The following GBP2 variants were observed in gnomAD, a reference collection of about 807,000 sequenced individuals.
GBP2 encodes the protein guanylate-binding protein 2.
In GBP2, 54 loss-of-function variants were observed where a neutral mutation model predicts 60.8. The observed-to-expected ratio is 0.89, with a 90% CI of 0.71 to 1.11. The LOEUF (loss-of-function observed/expected upper bound fraction) is 1.11. Ranked by LOEUF, GBP2 falls within the 50% of genes most tolerant of loss-of-function variation. The pLI, the probability that GBP2 is intolerant of heterozygous loss-of-function variation, is 0.00. For missense variants in GBP2, 665 were observed against 703.3 expected, an observed-to-expected ratio of 0.95 and a Z score of 0.62; for synonymous variants, 243 against 256.5, an observed-to-expected ratio of 0.95 and a Z score of 0.50.
intron 6 of GBP2, 104 bp from the exon 7 acceptor site, chr1:89,114,400 T>C: frequency 7.5e-7 from 1 of 1,331,744 alleles, no homozygotes; most frequent in South Asian, 1.5e-5. Context: ...TAAATAAGTT[T>C]TGGATAAAGA....
In GBP2 at chr1:89,114,025, C is replaced by T; in HGVS notation, c.1140G>A (p.Arg380=). The part of the protein sequence containing the change: ...SFKDVDQMFQ[R]KLGAQLEARR... Reference sequence around the variant, plus strand: ...AGAACACCAAATATACCCCTAATTTCCTCTGGAACATTTGGTCCACATCCT... The same window carrying T: ...AGAACACCAAATATACCCCTAATTTTCTCTGGAACATTTGGTCCACATCCT... Residue 380 remains arginine (R), a synonymous_variant, in exon 7 of 11, where the codon AGG becomes AGA. Transcript: ENST00000370466. 6.2e-7 allele frequency: 1 copy of T among 1,614,190 alleles called. No homozygotes were observed. The highest frequency in any genetic ancestry group is 1.7e-5 in the Admixed American group (1 of 60,022).
chr1:89,117,632 A>C lies in GBP2; in HGVS notation c.570T>G (p.Asp190Glu). 6.2e-7 allele frequency: 1 copy of C among 1,614,128 alleles called. No homozygotes were observed. The highest frequency in any genetic ancestry group is 8.5e-7 in the Non-Finnish European group (1 of 1,179,988). ...AGTCATCAGCAGTGATGGGTTCTCC[A>C]TCTACTTCCAGTTCCAGGGTGAAAT... The part of the protein sequence containing the change: ...LRDFTLELEV[D>E]GEPITADDYL... The change falls in exon 5 of 11, where the codon GAT becomes GAG. Residue 190 changes from aspartate (D) to glutamate (E), a missense_variant. Transcript: ENST00000370466.
chr1:89,120,407 AAC>A, intron 3 of GBP2, 119 bp from the exon 4 acceptor site: 1 of 782,928 alleles, frequency 1.3e-6, no homozygotes. Flanking sequence ...AAACTTAGGT[AAC>A]TCACTTCCTT....
chr1:89,109,829 T>C lies in GBP2; in HGVS notation c.1507A>G (p.Met503Val). Residue 503 changes from methionine to valine, a missense_variant, in exon 10 of 11, where the codon ATG (methionine) becomes GTG (valine). Met to Val is a conservative substitution (Grantham distance 21). Coordinates refer to ENST00000370466, the MANE Select transcript of GBP2 (RefSeq NM_004120.5). ...KAESAEAAKK[M>V]LEEIQKKNEE... Reference sequence around the variant, plus strand: ...TTCTTCTTTTGTATTTCCTCCAACATTTTCTTTGCAGCTTCTGCAGATTCA... The same window carrying C: ...TTCTTCTTTTGTATTTCCTCCAACACTTTCTTTGCAGCTTCTGCAGATTCA... 6.2e-7 allele frequency: 1 copy of C among 1,613,948 alleles called. No individual in the cohort carries two copies. Among genetic ancestry groups the C allele is most frequent in the Non-Finnish European group, 8.5e-7 (1 of 1,179,984 alleles).
rs146397027 is a variant in GBP2 at position 89,108,591 on chromosome 1, T to C, written c.1660-300A>G. ...TCTCTTGTTCTTTTTGTTGTTGTTG[T>C]TCATTTCTGATCTATATAGAATGGA... On this transcript the variant is annotated intron_variant, in intron 10 of 10. Transcript: ENST00000370466. Among the ~76,000 whole-genome samples the C allele has an allele frequency of 1.4e-3, 209 of 152,338 alleles. 1 individual carries two copies. The highest frequency in any genetic ancestry group is 4.9e-3 in the African/African-American group (205 of 41,574).
At chr1:89,122,964 G>T (rs74503847) in intron 1 of GBP2, among the ~76,000 whole-genome samples, 3,020 of 152,038 alleles carry the variant, frequency 0.02, 37 homozygotes, top group Middle Eastern at 0.065. Context: ...TCATTTAGTT[G>T]TATCAGTGTA....
At position 89,106,769 on chromosome 1, in the gene GBP2, C is replaced by T. The variant is rs1681061713; in HGVS notation, c.*1406G>A. 1 of 152,086 alleles carries T rather than the reference C, an allele frequency of 6.6e-6. No individual in the cohort carries two copies. The highest frequency in any genetic ancestry group is 2.1e-4 in the South Asian group (1 of 4,826). The allele number at this position is 152,086 out of a possible 1,614,324, so 9.4% of individuals were successfully genotyped here. On this transcript the variant is annotated 3_prime_UTR_variant, in exon 11 of 11. Coordinates refer to ENST00000370466, the MANE Select transcript of GBP2 (RefSeq NM_004120.5). ...GGCATATGATTTAGATTCTTCCCTG[C>T]AGATTGACTTTTGTGAGGCTTAGCT...
chr1:89,117,633 T>A lies in GBP2; in HGVS notation c.569A>T (p.Asp190Val), dbSNP rs1484250388. The change falls in exon 5 of 11, where the codon GAT becomes GTT. Residue 190 changes from aspartate to valine, a missense_variant. Transcript: ENST00000370466. ...LRDFTLELEV[D>V]GEPITADDYL... ...GTCATCAGCAGTGATGGGTTCTCCA[T>A]CTACTTCCAGTTCCAGGGTGAAATC... 5.6e-6 allele frequency: 9 copies of A among 1,614,146 alleles called. No individual in the cohort carries two copies. Among genetic ancestry groups the A allele is most frequent in the Non-Finnish European group, 6.8e-6 (8 of 1,179,994 alleles).
chr1:89,125,563 A>G (rs1208028665), intron 1 of GBP2, among the ~76,000 whole-genome samples: 1 of 152,152 alleles, frequency 6.6e-6, no homozygotes, highest in Non-Finnish European at 1.5e-5. Flanking sequence ...TACAAGTGGC[A>G]ATAATGAATG....
chr1:89,108,212 C>G lies in GBP2; in HGVS notation c.1739G>C (p.Arg580Thr). 1 of 1,613,124 alleles carries G rather than the reference C, an allele frequency of 6.2e-7. No homozygotes were observed. The highest frequency in any genetic ancestry group is 8.5e-7 in the Non-Finnish European group (1 of 1,179,446). Residue 580 changes from arginine to threonine, a missense_variant, in exon 11 of 11, where the codon AGA (arginine) becomes ACA (threonine). Arg to Thr is a moderately conservative substitution (Grantham distance 71). Coordinates refer to ENST00000370466, the MANE Select transcript of GBP2 (RefSeq NM_004120.5). Reference protein sequence around the residue: ...LQKDIWDIQMRSKSLEPICNI... With the variant: ...LQKDIWDIQMTSKSLEPICNI... ...ACATATTGGCTCCAATGATTTGCTTCTCATCTGGATATCCCATATGTCTTT... is the reference window on the plus strand; with the variant it reads ...ACATATTGGCTCCAATGATTTGCTTGTCATCTGGATATCCCATATGTCTTT...
intron 6 of GBP2, among the ~76,000 whole-genome samples, chr1:89,115,630 TG>T (rs1681254480): frequency 1.3e-5 from 2 of 152,184 alleles, no homozygotes; most frequent in South Asian, 4.1e-4. Flanking sequence ...GATGGAATTC[TG>T]GTCTGTCACC....
chr1:89,110,133 G>C (rs144421688), intron 9 of GBP2, 31 bp downstream of exon 9: 2 of 1,499,406 alleles, frequency 1.3e-6, no homozygotes, highest in East Asian at 4.5e-5. Context: ...AGAGCTTTCC[G>C]ACCATGTAGA....
chr1:89,121,686 T>G, intron 2 of GBP2, 91 bp downstream of exon 2: 7 of 1,353,780 alleles, frequency 5.2e-6, no homozygotes, highest in African/African-American at 1.5e-5. Context: ...TCAACATTCA[T>G]TCTCATCTCT....
chr1:89,122,749 T>A (rs890917819), intron 1 of GBP2, among the ~76,000 whole-genome samples: 4 of 152,236 alleles, frequency 2.6e-5, no homozygotes, highest in Admixed American at 6.5e-5. Flanking sequence ...AGAGACAGTT[T>A]GAAGACTATG....
chr1:89,124,007 A>G (rs910281135), intron 1 of GBP2, among the ~76,000 whole-genome samples: 2 of 152,228 alleles, frequency 1.3e-5, no homozygotes, highest in African/African-American at 4.8e-5. Flanking sequence ...TCCAACAAAA[A>G]GATCACATCA....
chr1:89,123,888 A>T (rs1681460883), intron 1 of GBP2, among the ~76,000 whole-genome samples: 1 of 152,154 alleles, frequency 6.6e-6, no homozygotes, highest in African/African-American at 2.4e-5. Flanking sequence ...TTTCCACTTC[A>T]TGCCCACTTA....
intron 1 of GBP2, among the ~76,000 whole-genome samples, chr1:89,123,777 A>G (rs536410463): frequency 4.3e-4 from 66 of 152,334 alleles, no homozygotes; most frequent in Admixed American, 1.2e-3. Flanking sequence ...GCGAAATATC[A>G]GAGTTCTGAA....
chr1:89,117,946 C>T, intron 4 of GBP2, 173 bp from the exon 5 acceptor site: 1 of 583,144 alleles, frequency 1.7e-6, no homozygotes, highest in Non-Finnish European at 3.0e-6. Flanking sequence ...CTACTATGAA[C>T]CAAGCACTGC....
intron 8 of GBP2, among the ~76,000 whole-genome samples, chr1:89,111,843 G>A (rs367877134): frequency 6.6e-5 from 10 of 151,966 alleles, no homozygotes; most frequent in African/African-American, 2.2e-4. Flanking sequence ...TACCTGAGTC[G>A]ACAAATACCC....
Sources: allele counts gnomAD v4.1 joint callset (sites outside exome capture counted in the v4.1 genomes callset), GRCh38; gene constraint gnomAD v4.1.1; transcripts MANE v1.5; gene names NCBI Gene and HGNC (gene_info 2026-07-23, HGNC 2026-07-21).